The following ANKRD36B variants were observed in gnomAD, a reference collection of about 807,000 sequenced individuals.
The protein encoded by ANKRD36B is ankyrin repeat domain-containing protein 36B.
In ANKRD36B, 37 loss-of-function variants were observed where a neutral mutation model predicts 135.7. The observed-to-expected ratio is 0.27, with a 90% CI of 0.21 to 0.36. The LOEUF (loss-of-function observed/expected upper bound fraction) is 0.36, where lower values mean the gene tolerates loss of function less well. Ranked by LOEUF, ANKRD36B falls within the 10% of genes least tolerant of loss-of-function variation. The pLI is 1.00. For missense variants in ANKRD36B, 549 were observed against 1,037.1 expected (o/e 0.53, Z 6.46); for synonymous variants, 179 against 348.1 (o/e 0.51, Z 5.41).
At chr2:97,561,112 C>G (rs559799095) in intron 6 of ANKRD36B, among the ~76,000 whole-genome samples, 9 of 151,844 alleles carry the variant, frequency 5.9e-5, no homozygotes, top group African/African-American at 1.9e-4. Flanking sequence ...ATGTCTAAAA[C>G]TAAAATAAAA....
At position 97,585,049 on chromosome 2, in the gene ANKRD36B, C is replaced by T. The variant is rs200964874; in HGVS notation, c.345G>A (p.Thr115=). Residue 115 remains threonine (T), a synonymous_variant, in exon 3 of 44, where the codon ACG becomes ACA. Transcript: ENST00000359901. The part of the protein sequence containing the change: ...LLQNGADPNI[T]DVFGRTALHY... ...GCAGAGCAGTCCTTCCAAAGACATCCGTAATATTTGGATCGGCGCCATTTT... is the reference window on the plus strand; with the variant it reads ...GCAGAGCAGTCCTTCCAAAGACATCTGTAATATTTGGATCGGCGCCATTTT... 3.6e-4 allele frequency: 586 copies of T among 1,612,110 alleles called. 1 individual carries two copies. Among genetic ancestry groups the T allele is most frequent in the South Asian group, 6.5e-4 (59 of 91,002 alleles).
At chr2:97,557,690 T>A (rs1398222845) in intron 10 of ANKRD36B, among the ~76,000 whole-genome samples, 2 of 151,856 alleles carry the variant, frequency 1.3e-5, no homozygotes, top group African/African-American at 2.4e-5. Flanking sequence ...GATAATCCTG[T>A]ATATAATATT....
chr2:97,585,936 A>G (rs2082947419), intron 1 of ANKRD36B, among the ~76,000 whole-genome samples: 1 of 152,212 alleles, frequency 6.6e-6, no homozygotes, highest in Non-Finnish European at 1.5e-5. Context: ...ATAAGCTACT[A>G]TTCTCTTATA....
chr2:97,528,754 C>G (rs1398943890), intron 35 of ANKRD36B, among the ~76,000 whole-genome samples: 1 of 95,798 alleles, frequency 1.0e-5, no homozygotes, highest in African/African-American at 3.1e-5. Context: ...TACAAACTAC[C>G]ATCAGAGAAT....
intron 34 of ANKRD36B, among the ~76,000 whole-genome samples, chr2:97,535,268 T>A (rs1175823887): frequency 4.0e-5 from 4 of 101,002 alleles, no homozygotes; most frequent in Non-Finnish European, 1.1e-4. Flanking sequence ...CACAAAAACA[T>A]GACTACAGTC....
At chr2:97,578,209 C>CT in intron 5 of ANKRD36B, among the ~76,000 whole-genome samples, 2 of 152,064 alleles carry the variant, frequency 1.3e-5, no homozygotes, top group South Asian at 4.1e-4. Context: ...GAAACAATGG[C>CT]TGAGCATATA....
intron 1 of ANKRD36B, among the ~76,000 whole-genome samples, chr2:97,585,741 T>C (rs1382131732): frequency 1.3e-5 from 2 of 152,254 alleles, no homozygotes; most frequent in African/African-American, 2.4e-5. Context: ...ATGCACAGCA[T>C]TTAGAACACT....
In ANKRD36B at chr2:97,530,822, C is replaced by A. The variant is rs1285434893; in HGVS notation, c.2265+1489G>T. On this transcript the variant is annotated intron_variant, in intron 35 of 43. Coordinates refer to ENST00000359901, the MANE Select transcript of ANKRD36B (RefSeq NM_001393939.1). ...ATGAAAAAATGCTCATCATCACTGG[C>A]CATCAGAGAAATGCAAATCAAAACC... 2.1e-5 allele frequency among the ~76,000 whole-genome samples: 2 copies of A among 97,532 alleles called. 1 individual carries two copies. Among genetic ancestry groups the A allele is most frequent in the African/African-American group, 6.1e-5 (2 of 32,608 alleles). The allele number at this position is 97,532 out of a possible 152,430, so 64.0% of individuals were successfully genotyped here.
chr2:97,532,783 G>A (rs1480855849), intron 34 of ANKRD36B, among the ~76,000 whole-genome samples: 2 of 91,690 alleles, frequency 2.2e-5, no homozygotes, highest in South Asian at 2.4e-4. Flanking sequence ...GTGTTTCAAC[G>A]AAGCTTAATC....
chr2:97,551,587 G>A (rs1462560349), intron 16 of ANKRD36B, 107 bp from the exon 17 acceptor site: 15 of 1,545,038 alleles, frequency 9.7e-6, no homozygotes, highest in African/African-American at 2.7e-5. Context: ...CTGTATTAGC[G>A]TAGGTTTTGA....
intron 34 of ANKRD36B, among the ~76,000 whole-genome samples, chr2:97,535,837 G>A (rs1425324620): frequency 1.1e-5 from 1 of 93,954 alleles, no homozygotes; most frequent in Admixed American, 9.7e-5. Flanking sequence ...AGGGCGAGGC[G>A]GGAGGATCAC....
intron 6 of ANKRD36B, among the ~76,000 whole-genome samples, chr2:97,567,816 C>T (rs1329654882): frequency 6.6e-6 from 1 of 152,060 alleles, no homozygotes; most frequent in South Asian, 2.1e-4. Flanking sequence ...TAAATCTGTA[C>T]CTAACATCCA....
chr2:97,529,690 A>T lies in ANKRD36B; in HGVS notation c.2265+2621T>A, dbSNP rs572830897. ...AGCCCAAAATCTCCTTAAGCTGATC[A>T]GCAACTTCAGCAAAGTCTCAGGATA... is the stretch of plus-strand genomic sequence containing the variant. On this transcript the variant is annotated intron_variant, in intron 35 of 43. Coordinates refer to ENST00000359901, the MANE Select transcript of ANKRD36B (RefSeq NM_001393939.1). Among the ~76,000 whole-genome samples the T allele has an allele frequency of 2.1e-5, 2 of 96,396 alleles. 1 individual carries two copies. Among genetic ancestry groups the T allele is most frequent in the Non-Finnish European group, 5.5e-5 (2 of 36,114 alleles). 63.2% of individuals were successfully genotyped at this position (96,396 alleles called of 152,430 possible). A position where few individuals can be genotyped will look rare whatever the true frequency, so the allele number is the denominator to read the frequency against.
intron 6 of ANKRD36B, among the ~76,000 whole-genome samples, chr2:97,570,045 CTTATT>C (rs1184212691): frequency 6.6e-6 from 1 of 152,040 alleles, no homozygotes; most frequent in Non-Finnish European, 1.5e-5. Flanking sequence ...GAAATCATTA[CTTATT>C]TTATCTAACC....
At chr2:97,586,036 T>C (rs539999239) in intron 1 of ANKRD36B, among the ~76,000 whole-genome samples, 4 of 152,302 alleles carry the variant, frequency 2.6e-5, no homozygotes, top group Non-Finnish European at 5.9e-5. Flanking sequence ...ATCTTATCGA[T>C]ATATAAAGTA....
chr2:97,570,090 C>G (rs1477915582), intron 6 of ANKRD36B, among the ~76,000 whole-genome samples: 1 of 152,030 alleles, frequency 6.6e-6, no homozygotes, highest in East Asian at 1.9e-4. Context: ...CGAATAAGAA[C>G]AGATTATAAT....
chr2:97,566,801 A>G (rs1407767374), intron 6 of ANKRD36B, among the ~76,000 whole-genome samples: 1 of 152,140 alleles, frequency 6.6e-6, no homozygotes, highest in Non-Finnish European at 1.5e-5. Flanking sequence ...CTTCTCTCAC[A>G]CCGCAACAAC....
At chr2:97,529,171 C>T (rs1248702644) in intron 35 of ANKRD36B, among the ~76,000 whole-genome samples, 4 of 94,566 alleles carry the variant, frequency 4.2e-5, no homozygotes, top group East Asian at 4.7e-4. Context: ...ACTGGCAAAC[C>T]GAATCCAGCA....
At chr2:97,570,211 T>A (rs10194311) in intron 6 of ANKRD36B, among the ~76,000 whole-genome samples, 84,564 of 151,872 alleles carry the variant, frequency 0.56, 25,166 homozygotes, top group Non-Finnish European at 0.67. Flanking sequence ...TGCAACTGAC[T>A]CAAATGAAAT....
Sources: gnomAD v4.1 joint callset for allele counts (sites outside exome capture counted in the v4.1 genomes callset) on GRCh38, gnomAD v4.1.1 for gene constraint, MANE v1.5 for transcripts, NCBI Gene and HGNC (gene_info 2026-07-23, HGNC 2026-07-21) for gene names.